NBAS: variants seen among roughly 807,000 people sequenced by gnomAD.
NBAS encodes the protein NAG/BC035112 fusion.
In NBAS, 219 loss-of-function variants were observed where a neutral mutation model predicts 302.5. The observed-to-expected ratio is 0.72, with a 90% confidence interval of 0.65 to 0.81. NBAS has a LOEUF of 0.81. NBAS is among the 30% of genes least tolerant of loss of function. The probability of loss-of-function intolerance (pLI) is 0.00; values close to 1 mark genes in which losing one functional copy is unlikely to be tolerated. For synonymous variants in NBAS, 1,118 were observed against 1,021.6 expected (o/e 1.09, Z -1.80); for missense variants, 2,932 against 2,841.6 (o/e 1.03, Z -0.72).
chr2:15,471,195 T>A (rs889819881), intron 16 of NBAS, among the ~76,000 whole-genome samples: 1 of 152,122 alleles, frequency 6.6e-6, no homozygotes, highest in African/African-American at 2.4e-5. Flanking sequence ...ATACATGAAC[T>A]CATGAGCTCA....
the NBAS span, among the ~76,000 whole-genome samples, chr2:15,049,418 G>T: frequency 6.6e-6 from 1 of 152,166 alleles, no homozygotes; most frequent in South Asian, 2.1e-4. Context: ...CAGCCTGGAG[G>T]TCCCTGCTAC....
chr2:15,496,509 G>A (rs910728545), intron 11 of NBAS, among the ~76,000 whole-genome samples: 1 of 152,080 alleles, frequency 6.6e-6, no homozygotes, highest in South Asian at 2.1e-4. Context: ...TCCCCAAAAT[G>A]GTTATTAAAC....
the NBAS span, among the ~76,000 whole-genome samples, chr2:15,036,102 C>A: frequency 6.6e-6 from 1 of 152,092 alleles, no homozygotes; most frequent in African/African-American, 2.4e-5. Context: ...AGAAGAATTG[C>A]CCTTTTTGTA....
chr2:15,558,558 T>C (rs1558438311), intron 2 of NBAS, 22 bp downstream of exon 2: 1 of 1,602,662 alleles, frequency 6.2e-7, no homozygotes, highest in Non-Finnish European at 8.5e-7. Context: ...ATCATTACTG[T>C]AGAGAAATAA....
intron 10 of NBAS, among the ~76,000 whole-genome samples, chr2:15,509,380 A>T (rs1257987413): frequency 1.3e-5 from 2 of 152,190 alleles, no homozygotes; most frequent in East Asian, 1.9e-4. Context: ...GGGCTGATAG[A>T]CTAGGTAGAT....
At chr2:15,093,389 C>G in the NBAS span, among the ~76,000 whole-genome samples, 1 of 152,186 alleles carries the variant, frequency 6.6e-6, no homozygotes, top group Non-Finnish European at 1.5e-5. Context: ...ATACTCCAGC[C>G]TGAGCAACAG....
chr2:15,498,800 C>T (rs899529791), intron 11 of NBAS, among the ~76,000 whole-genome samples: 4 of 152,010 alleles, frequency 2.6e-5, no homozygotes, highest in African/African-American at 9.7e-5. Flanking sequence ...GATGTGTTTC[C>T]TTCCTCTTCA....
intron 9 of NBAS, among the ~76,000 whole-genome samples, chr2:15,527,133 G>A: frequency 6.8e-6 from 1 of 147,896 alleles, no homozygotes; most frequent in South Asian, 2.1e-4. Context: ...GGGGTATGAA[G>A]AAGAAAACAA....
At chr2:15,036,706 G>C in the NBAS span, among the ~76,000 whole-genome samples, 4 of 152,174 alleles carry the variant, frequency 2.6e-5, no homozygotes, top group Admixed American at 2.6e-4. Context: ...GCTTGGCCAA[G>C]CTTTCTCCCC....
At chr2:15,549,313 G>A (rs1296095505) in intron 6 of NBAS, among the ~76,000 whole-genome samples, 1 of 152,004 alleles carries the variant, frequency 6.6e-6, no homozygotes, top group Admixed American at 6.6e-5. Context: ...TATAAAGTGT[G>A]GATTACTAGA....
intron 11 of NBAS, among the ~76,000 whole-genome samples, chr2:15,493,886 G>C (rs113057514): frequency 0.015 from 2,134 of 146,872 alleles, 38 homozygotes; most frequent in African/African-American, 0.051. Flanking sequence ...GAGTACAGTG[G>C]TGCAATCTCA....
At chr2:15,276,594 C>T (rs1277638669) in intron 43 of NBAS, among the ~76,000 whole-genome samples, 1 of 152,096 alleles carries the variant, frequency 6.6e-6, no homozygotes, top group Non-Finnish European at 1.5e-5. Context: ...AGCAGAAGTC[C>T]AAAACTTTGG....
chr2:15,553,936 C>A, intron 4 of NBAS, 125 bp downstream of exon 4: 1 of 764,284 alleles, frequency 1.3e-6, no homozygotes, highest in East Asian at 3.4e-5. Context: ...TAAATATTTG[C>A]AACAAAGAAA....
chr2:14,935,075 C>G, the NBAS span, among the ~76,000 whole-genome samples: 1 of 152,202 alleles, frequency 6.6e-6, no homozygotes, highest in African/African-American at 2.4e-5. Flanking sequence ...AAATTCAACT[C>G]TCTCAGCTTA....
the NBAS span, among the ~76,000 whole-genome samples, chr2:14,835,979 G>A: frequency 6.6e-6 from 1 of 151,854 alleles, no homozygotes; most frequent in Non-Finnish European, 1.5e-5. Context: ...CTTGATATTG[G>A]GTGCCTTTCT....
chr2:15,034,252 GAAA>G, the NBAS span, among the ~76,000 whole-genome samples: 6 of 94,220 alleles, frequency 6.4e-5, no homozygotes, highest in East Asian at 9.9e-4. Context: ...AAGAAAGAAA[GAAA>G]GAAAGAAAGA....
intron 1 of NBAS, among the ~76,000 whole-genome samples, chr2:15,560,925 T>C (rs1029382494): frequency 6.6e-6 from 1 of 152,034 alleles, no homozygotes; most frequent in African/African-American, 2.4e-5. Flanking sequence ...AGAACCAAAG[T>C]GGGATCGTAC....
intron 21 of NBAS, among the ~76,000 whole-genome samples, chr2:15,430,567 T>C (rs758825335): frequency 6.6e-5 from 10 of 152,208 alleles, no homozygotes; most frequent in Non-Finnish European, 1.2e-4. Context: ...CTTCCTCATA[T>C]TACAATGAGA....
chr2:15,440,376 G>A (rs189826753), intron 21 of NBAS, among the ~76,000 whole-genome samples: 1,832 of 152,258 alleles, frequency 0.012, 14 homozygotes, highest in Non-Finnish European at 0.021. Flanking sequence ...TGCAGACACC[G>A]CTGCTGATAC....
Sources: gnomAD v4.1 joint callset for allele counts (sites outside exome capture counted in the v4.1 genomes callset) on GRCh38, gnomAD v4.1.1 for gene constraint, MANE v1.5 for transcripts, NCBI Gene and HGNC (gene_info 2026-07-23, HGNC 2026-07-21) for gene names.